Variants in MRPL47 observed in about 807,000 individuals in gnomAD.
MRPL47 encodes the protein large ribosomal subunit protein uL29m.
Under a neutral mutation model 34.0 loss-of-function variants are expected in MRPL47, and 31 were observed. The ratio of observed to expected loss-of-function variants is 0.91; its 90% CI spans 0.68 to 1.23. The LOEUF (loss-of-function observed/expected upper bound fraction) is 1.23. Among genes scored for constraint, MRPL47 ranks in the 50% most tolerant of loss-of-function variants. The probability of loss-of-function intolerance (pLI) is 0.00; values close to 1 mark genes in which losing one functional copy is unlikely to be tolerated. For missense variants in MRPL47, 328 were observed against 285.8 expected (o/e 1.15, Z -1.07); for synonymous variants, 106 against 101.6 (o/e 1.04, Z -0.26).
rs201911825 is a variant in MRPL47 at position 179,604,605 on chromosome 3, G to C, written c.20C>G (p.Ala7Gly). Residue 7 changes from alanine (A) to glycine (G), a missense_variant, in exon 1 of 7, where the codon GCC (alanine) becomes GGC (glycine). Ala to Gly is a moderately conservative substitution (Grantham distance 60, BLOSUM62 0). Coordinates refer to ENST00000476781, the MANE Select transcript of MRPL47 (RefSeq NM_020409.3). Reference protein sequence around the residue: MAAAGLALLCRRVSSAL... With the variant: MAAAGLGLLCRRVSSAL... ...GGATGAAACTCTCCTACAAAGAAGG[G>C]CCAAACCGGCCGCAGCCATGTTTTC... The C allele has an allele frequency of 1.2e-6, 2 of 1,614,198 alleles. No homozygotes were observed. Among genetic ancestry groups the C allele is most frequent in the South Asian group, 2.2e-5 (2 of 91,080 alleles).
intron 4 of MRPL47, among the ~76,000 whole-genome samples, chr3:179,597,527 G>A (rs957073147): frequency 3.9e-5 from 6 of 152,094 alleles, no homozygotes; most frequent in Admixed American, 6.5e-5. Flanking sequence ...CTAAGTCTTC[G>A]GCCAGGCACG....
At chr3:179,596,515 G>C (rs1439029383) in intron 4 of MRPL47, among the ~76,000 whole-genome samples, 1 of 152,170 alleles carries the variant, frequency 6.6e-6, no homozygotes, top group African/African-American at 2.4e-5. Context: ...CTGGGCTGAA[G>C]TTCACCTCTG....
intron 3 of MRPL47, 86 bp from the exon 4 acceptor site, chr3:179,598,857 G>C: frequency 1.0e-6 from 1 of 968,078 alleles, no homozygotes. Flanking sequence ...TTAATTATCT[G>C]TACTTGAAAG....
chr3:179,593,673 G>T, intron 5 of MRPL47, 92 bp downstream of exon 5: 1 of 1,214,600 alleles, frequency 8.2e-7, no homozygotes, highest in South Asian at 1.8e-5. Flanking sequence ...TATCTCATAT[G>T]GTACAAATTT....
chr3:179,599,280 T>C (rs1299789016), intron 3 of MRPL47, among the ~76,000 whole-genome samples: 1 of 152,182 alleles, frequency 6.6e-6, no homozygotes, highest in Non-Finnish European at 1.5e-5. Flanking sequence ...AAACCTTCCA[T>C]TTGCCACATG....
Position 179,588,948 on chromosome 3 carries a change from A to C in MRPL47, c.677T>G (p.Leu226Ter), listed in dbSNP as rs750505934. Reference sequence around the variant, plus strand: ...AAGAATTTTTGCTTTCTTTCTCTCTAAATTTTCCTTCCGTGCTTTGATGCG... The same window carrying C: ...AAGAATTTTTGCTTTCTTTCTCTCTCAATTTTCCTTCCGTGCTTTGATGCG... Reference protein sequence around the residue: ...RARIKARKENLERKKAKILLK... With the variant: ...RARIKARKEN Residue 226 changes from leucine (L) to a stop codon, truncating the protein, a stop_gained, in exon 7 of 7, where the codon TTA becomes TGA. Coordinates refer to ENST00000476781, the MANE Select transcript of MRPL47 (RefSeq NM_020409.3). LOFTEE classifies it high-confidence loss of function. 1.5e-5 allele frequency: 24 copies of C among 1,613,572 alleles called. No homozygotes were observed. Among genetic ancestry groups the C allele is most frequent in the Admixed American group, 3.3e-5 (2 of 59,970 alleles).
Position 179,588,753 on chromosome 3 carries a change from C to CTGAT in MRPL47, c.*115_*118dup, listed in dbSNP as rs1718587357. 1.2e-5 allele frequency: 12 copies of CTGAT among 968,190 alleles called. No individual in the cohort carries two copies. Among genetic ancestry groups the CTGAT allele is most frequent in the Middle Eastern group, 3.6e-4 (1 of 2,760 alleles). 60.0% of individuals were successfully genotyped at this position (968,190 alleles called of 1,614,324 possible). ...CATGCCATATTCACACTTAGAACAACTGATTAGTAAAGTCACTTGACTAAA... is the reference window on the plus strand; with the variant it reads ...CATGCCATATTCACACTTAGAACAACTGATTGATTAGTAAAGTCACTTGACTAAA... On this transcript the variant is annotated 3_prime_UTR_variant, in exon 7 of 7. Coordinates refer to ENST00000476781, the MANE Select transcript of MRPL47 (RefSeq NM_020409.3).
intron 1 of MRPL47, 46 bp from the exon 2 acceptor site, chr3:179,602,843 G>C (rs1242211380): frequency 7.1e-7 from 1 of 1,401,196 alleles, no homozygotes; most frequent in Admixed American, 2.2e-5. Flanking sequence ...ATAATATCTG[G>C]ATTTTATAAG....
At position 179,588,978 on chromosome 3, in the gene MRPL47, C is replaced by T. The variant is rs773754223; in HGVS notation, c.647G>A (p.Arg216Gln). Residue 216 changes from arginine to glutamine, a missense_variant, in exon 7 of 7, where the codon CGA becomes CAA. By Grantham distance (43) the Arg-to-Gln change is conservative. Transcript: ENST00000476781. ...TTCCTTCCGTGCTTTGATGCGGGCT[C>T]GTTTCTCACGTTCCAGTCTAGAATA... The part of the protein sequence containing the change: ...DHFLRLEREK[R>Q]ARIKARKENL... 29 of 1,611,456 alleles carry T rather than the reference C, an allele frequency of 1.8e-5. No homozygotes were observed. Among genetic ancestry groups the T allele is most frequent in the Middle Eastern group, 1.6e-4 (1 of 6,066 alleles).
rs765240584 is a variant in MRPL47 at position 179,599,167 on chromosome 3, C to CAA, written c.306-398_306-397dup. ...CTGGGGATAAAGTGAGATCTTGCTT[C>CAA]AAAAAAAAAAAAAAGACATATTAGA... On this transcript the variant is annotated intron_variant, in intron 3 of 6. Coordinates refer to ENST00000476781, the MANE Select transcript of MRPL47 (RefSeq NM_020409.3). Among the ~76,000 whole-genome samples the CAA allele has an allele frequency of 3.7e-4, 43 of 116,358 alleles. No homozygotes were observed. In the East Asian group the frequency reaches 6.7e-3, roughly 18 times the overall value. 76.3% of individuals were successfully genotyped at this position (116,358 alleles called of 152,430 possible).
At chr3:179,601,031 T>C (rs1718914653) in intron 3 of MRPL47, among the ~76,000 whole-genome samples, 1 of 152,170 alleles carries the variant, frequency 6.6e-6, no homozygotes, top group Non-Finnish European at 1.5e-5. Flanking sequence ...AAATTCTCAA[T>C]TAAATGCATC....
At chr3:179,596,947 T>G (rs1718801398) in intron 4 of MRPL47, among the ~76,000 whole-genome samples, 1 of 152,228 alleles carries the variant, frequency 6.6e-6, no homozygotes. Context: ...TTCCTGATTT[T>G]GAAATTTACA....
At chr3:179,589,182 A>G (rs1576863542) in intron 6 of MRPL47, among the ~76,000 whole-genome samples, 187 bp from the exon 7 acceptor site, 1 of 152,216 alleles carries the variant, frequency 6.6e-6, no homozygotes, top group Non-Finnish European at 1.5e-5. Context: ...AGAGCATCTG[A>G]AACCCTATAC....
chr3:179,589,288 A>T (rs1718608946), intron 6 of MRPL47, among the ~76,000 whole-genome samples: 1 of 152,224 alleles, frequency 6.6e-6, no homozygotes, highest in Non-Finnish European at 1.5e-5. Flanking sequence ...ACTAAGCATC[A>T]TCTCTTAGCA....
At position 179,592,758 on chromosome 3, in the gene MRPL47, G is replaced by A. The variant is rs777724605; in HGVS notation, c.534-19C>T. ...CTTGTGCCTGCCAATAAAGCAAAAA[G>A]TTATTTGCCTTAAAGAAAACATTTA... On this transcript the variant is annotated intron_variant, in intron 5 of 6. Coordinates refer to ENST00000476781, the MANE Select transcript of MRPL47 (RefSeq NM_020409.3). 1 of 1,515,860 alleles carries A rather than the reference G, an allele frequency of 6.6e-7. No homozygotes were observed. Among genetic ancestry groups the A allele is most frequent in the African/African-American group, 1.4e-5 (1 of 72,834 alleles). The allele number at this position is 1,515,860 out of a possible 1,614,324, so 93.9% of individuals were successfully genotyped here.
intron 4 of MRPL47, among the ~76,000 whole-genome samples, chr3:179,596,016 CA>C (rs1162692910): frequency 6.6e-6 from 1 of 152,150 alleles, no homozygotes; most frequent in African/African-American, 2.4e-5. Flanking sequence ...GTATTTCAAA[CA>C]CAAGGGGACT....
chr3:179,602,806 G>C lies in MRPL47; in HGVS notation c.99-9C>G, dbSNP rs769340089. On this transcript the variant is annotated splice_polypyrimidine_tract_variant and intron_variant, in intron 1 of 6. Coordinates refer to ENST00000476781, the MANE Select transcript of MRPL47 (RefSeq NM_020409.3). The stretch of plus-strand genomic sequence containing the variant: ...ACAAACTAAGAAAAAACCTGCAATT[G>C]AACACACATAAACAAGTAAAAGTTT... 13 of 1,595,858 alleles carry C rather than the reference G, an allele frequency of 8.1e-6. No homozygotes were observed. The Admixed American group carries it at 1.8e-4, about 22-fold the overall frequency.
chr3:179,588,636 T>TTA lies in MRPL47; in HGVS notation c.*234_*235dup, dbSNP rs1718584299. The stretch of plus-strand genomic sequence containing the variant: ...GTAGCAGGTGACATTTAAAGCCTGC[T>TTA]TAAATGTCAGAATTTATAAAGTGGG... On this transcript the variant is annotated 3_prime_UTR_variant, in exon 7 of 7. Transcript: ENST00000476781. 5 of 332,982 alleles carry TTA rather than the reference T, an allele frequency of 1.5e-5. No individual in the cohort carries two copies. Among genetic ancestry groups the TTA allele is most frequent in the Non-Finnish European group, 2.2e-5 (4 of 181,636 alleles). 20.6% of individuals were successfully genotyped at this position (332,982 alleles called of 1,614,324 possible).
At chr3:179,601,561 C>A (rs1576871033) in intron 3 of MRPL47, among the ~76,000 whole-genome samples, 169 bp downstream of exon 3, 1 of 152,330 alleles carries the variant, frequency 6.6e-6, no homozygotes. Context: ...CATAATCTAA[C>A]CTCTGTCATA....
Sources: gnomAD v4.1 joint callset for allele counts (sites outside exome capture counted in the v4.1 genomes callset) on GRCh38, gnomAD v4.1.1 for gene constraint, MANE v1.5 for transcripts, NCBI Gene and HGNC (gene_info 2026-07-23, HGNC 2026-07-21) for gene names.